The following SMARCC2 variants were observed in gnomAD, a reference collection of about 807,000 sequenced individuals.
SMARCC2 encodes SWI/SNF related BAF chromatin remodeling complex subunit C2, also known as SWI/SNF complex subunit SMARCC2.
In SMARCC2, 15 loss-of-function variants were observed where a neutral mutation model predicts 151.3. The ratio of observed to expected loss-of-function variants is 0.10; its 90% CI spans 0.07 to 0.15. The LOEUF is 0.15. SMARCC2 is among the 10% of genes least tolerant of loss of function. The pLI, the probability that SMARCC2 is intolerant of heterozygous loss-of-function variation, is 1.00. For missense variants in SMARCC2, 1,031 were observed against 1,599.7 expected (o/e 0.64, Z 6.06); for synonymous variants, 590 against 609.5 (o/e 0.97, Z 0.47).
At chr12:56,167,383 G>T (rs1438063325) in intron 26 of SMARCC2, among the ~76,000 whole-genome samples, 1 of 152,016 alleles carries the variant, frequency 6.6e-6, no homozygotes, top group Non-Finnish European at 1.5e-5. Flanking sequence ...AAAATAAATT[G>T]TTGAGACAGA....
At chr12:56,174,446 T>C in intron 16 of SMARCC2, 2 of 497,552 alleles carry the variant, frequency 4.0e-6, no homozygotes, top group Non-Finnish European at 7.3e-6. Flanking sequence ...ACATGCTCCT[T>C]CTTTGTCCTA....
intron 6 of SMARCC2, 116 bp downstream of exon 6, chr12:56,184,059 T>G: frequency 9.8e-7 from 1 of 1,022,932 alleles, no homozygotes; most frequent in Non-Finnish European, 1.5e-6. Flanking sequence ...CTTAAGGTGG[T>G]AAGAGGATTC....
chr12:56,172,578 C>T lies in SMARCC2; in HGVS notation c.1863+7G>A, dbSNP rs1237320467. 1.2e-6 allele frequency: 2 copies of T among 1,614,094 alleles called. No homozygotes were observed. The highest frequency in any genetic ancestry group is 2.7e-5 in the African/African-American group (2 of 74,932). On this transcript the variant is annotated splice_region_variant and intron_variant, in intron 19 of 28. Coordinates refer to ENST00000550164, the MANE Select transcript of SMARCC2 (RefSeq NM_001330288.2). Reference sequence around the variant, plus strand: ...CTCTACCCCTAGAGTCGGCCCGCACCTCCTACCTTGGAGGGAACATTCTTT... The same window carrying T: ...CTCTACCCCTAGAGTCGGCCCGCACTTCCTACCTTGGAGGGAACATTCTTT...
rs763382334 is a variant in SMARCC2, at chr12:56,171,959, T to G, written c.1927-22A>C. 1.3e-6 allele frequency: 2 copies of G among 1,572,860 alleles called. No individual in the cohort carries two copies. The highest frequency in any genetic ancestry group is 8.6e-7 in the Non-Finnish European group (1 of 1,157,200). On this transcript the variant is annotated intron_variant, in intron 20 of 28. Transcript: ENST00000550164. The surrounding 1 kb of genome is among the most constrained non-coding windows in gnomAD (Gnocchi z 4.2). ...GTGCCTGGTGGTAGTGGTGGAGACA[T>G]AACTCCGCTTACTTAGCCACTTTTC...
chr12:56,180,405 G>A (rs962054713), intron 11 of SMARCC2, among the ~76,000 whole-genome samples: 2 of 142,456 alleles, frequency 1.4e-5, no homozygotes, highest in African/African-American at 2.6e-5. Context: ...CACCGTGCCC[G>A]GCCCTTTTTT....
intron 23 of SMARCC2, 46 bp from the exon 24 acceptor site, chr12:56,169,957 G>C: frequency 6.3e-7 from 1 of 1,580,778 alleles, no homozygotes; most frequent in Non-Finnish European, 8.7e-7. Flanking sequence ...GGATTAGGGT[G>C]ATTAGTTCTC....
intron 23 of SMARCC2, 81 bp from the exon 24 acceptor site, chr12:56,169,992 T>A: frequency 6.8e-7 from 1 of 1,471,620 alleles, no homozygotes; most frequent in Non-Finnish European, 9.4e-7. Flanking sequence ...GACGGGGAAC[T>A]AAATTTATTC....
intron 5 of SMARCC2, chr12:56,184,446 T>C (rs144987534): frequency 2.3e-4 from 135 of 581,026 alleles, no homozygotes; most frequent in African/African-American, 2.2e-3. Context: ...GAATTAAAAA[T>C]TGCCAAAAAT....
Position 56,164,859 on chromosome 12 carries a change from G to A in SMARCC2, c.3233-128C>T, listed in dbSNP as rs990381076. 9.5e-5 allele frequency: 75 copies of A among 787,086 alleles called. No homozygotes were observed. The African/African-American group carries it at 1.0e-3, about 11-fold the overall frequency. The allele number at this position is 787,086 out of a possible 1,614,324, so 48.8% of individuals were successfully genotyped here. A position where few individuals can be genotyped will look rare whatever the true frequency, so the allele number is the denominator to read the frequency against. ...GCTGGAGTGCAGTGGCACGATCTTG[G>A]CTCACTGCAACCTCCGCCTCCCGGG... On this transcript the variant is annotated intron_variant, in intron 27 of 28. Coordinates refer to ENST00000550164, the MANE Select transcript of SMARCC2 (RefSeq NM_001330288.2).
chr12:56,185,087 T>A lies in SMARCC2; in HGVS notation c.342A>T (p.Pro114=), dbSNP rs1269019098. 1.2e-6 allele frequency: 2 copies of A among 1,614,006 alleles called. No individual in the cohort carries two copies. The highest frequency in any genetic ancestry group is 1.6e-4 in the Middle Eastern group (1 of 6,084). ...TTTCCACATTGCGGTCCATGCGTGA[T>A]GGATTCTGGAAATCGTAACGCCGCC... The part of the protein sequence containing the change: ...QGWRRYDFQN[P]SRMDRNVEMF... The change falls in exon 4 of 29, where the codon CCA becomes CCT. Residue 114 remains proline, a synonymous_variant. Coordinates refer to ENST00000550164, the MANE Select transcript of SMARCC2 (RefSeq NM_001330288.2).
chr12:56,185,861 C>A, intron 3 of SMARCC2: 1 of 388,624 alleles, frequency 2.6e-6, no homozygotes, highest in East Asian at 4.6e-5. Flanking sequence ...GTTCACTGAT[C>A]TCAACTCCAT....
intron 26 of SMARCC2, among the ~76,000 whole-genome samples, chr12:56,167,024 C>G (rs1217525321): frequency 5.4e-5 from 8 of 148,390 alleles, no homozygotes; most frequent in African/African-American, 1.8e-4. Flanking sequence ...GATTGCACCA[C>G]TGCACTCCAG....
At chr12:56,184,062 G>A (rs1235817574) in intron 6 of SMARCC2, 113 bp downstream of exon 6, 21 of 1,023,540 alleles carry the variant, frequency 2.1e-5, no homozygotes, top group Non-Finnish European at 3.0e-5. Context: ...AAGGTGGTAA[G>A]AGGATTCAAG....
In SMARCC2 at chr12:56,169,512, TCAA is replaced by T; in HGVS notation, c.2715+14_2715+16del. 6.2e-7 allele frequency: 1 copy of T among 1,612,508 alleles called. No individual in the cohort carries two copies. Among genetic ancestry groups the T allele is most frequent in the Admixed American group, 1.7e-5 (1 of 59,936 alleles). The stretch of plus-strand genomic sequence containing the variant: ...GTGGACATTTTCTTCCCTGAGGTCT[TCAA>T]GGTCTGGCCTCACCTTAGCTTTCAC... On this transcript the variant is annotated intron_variant, in intron 25 of 28. Coordinates refer to ENST00000550164, the MANE Select transcript of SMARCC2 (RefSeq NM_001330288.2).
chr12:56,171,496 A>G lies in SMARCC2; in HGVS notation c.2186-64T>C. On this transcript the variant is annotated intron_variant, in intron 21 of 28. Coordinates refer to ENST00000550164, the MANE Select transcript of SMARCC2 (RefSeq NM_001330288.2). This position sits in a 1 kb window ranked among gnomAD's most constrained non-coding sequence, Gnocchi z 4.2. Reference sequence around the variant, plus strand: ...GTGGAACAGTTCTGGCAATCCCTGCAAAAGCTTACTCACAAGCCCATGTCT... The same window carrying G: ...GTGGAACAGTTCTGGCAATCCCTGCGAAAGCTTACTCACAAGCCCATGTCT... 1 of 1,600,660 alleles carries G rather than the reference A, an allele frequency of 6.2e-7. No individual in the cohort carries two copies.
chr12:56,163,418 C>A lies in SMARCC2; in HGVS notation c.*271G>T. On this transcript the variant is annotated 3_prime_UTR_variant, in exon 29 of 29. Coordinates refer to ENST00000550164, the MANE Select transcript of SMARCC2 (RefSeq NM_001330288.2). ...GGTTAATAGAACCTTGTATAAACACCTTTCACCAGCCCTTCCTTTAGGGCA... is the reference window on the plus strand; with the variant it reads ...GGTTAATAGAACCTTGTATAAACACATTTCACCAGCCCTTCCTTTAGGGCA... The A allele has an allele frequency of 3.7e-6, 1 of 267,198 alleles. No individual in the cohort carries two copies. Among genetic ancestry groups the A allele is most frequent in the Non-Finnish European group, 7.0e-6 (1 of 142,474 alleles). The allele number at this position is 267,198 out of a possible 1,614,324, so 16.6% of individuals were successfully genotyped here. A position where few individuals can be genotyped will look rare whatever the true frequency, so the allele number is the denominator to read the frequency against.
At chr12:56,187,829 A>AATGTCTTCAT (rs1305655667) in intron 1 of SMARCC2, among the ~76,000 whole-genome samples, 1 of 152,158 alleles carries the variant, frequency 6.6e-6, no homozygotes, top group Non-Finnish European at 1.5e-5. Context: ...ACTGGGTATA[A>AATGTCTTCAT]ATGTCTTCAT....
At chr12:56,174,601 C>T (rs1324614414) in intron 16 of SMARCC2, 50 bp downstream of exon 16, 3 of 1,203,144 alleles carry the variant, frequency 2.5e-6, no homozygotes, top group Non-Finnish European at 3.7e-6. Context: ...AAAACACATC[C>T]ATAGGCAGGC....
In SMARCC2 at chr12:56,189,458, C is replaced by T; in HGVS notation, c.4G>A (p.Ala2Thr). Residue 2 changes from alanine (A) to threonine (T), a missense_variant, in exon 1 of 29, where the codon GCG becomes ACG. This residue lies in a region of SMARCC2 where 50 missense variants were observed against 52.4 expected (regional missense o/e 0.95). Transcript: ENST00000550164. Reference sequence around the variant, plus strand: ...GGGCCGCCGTCCTTCTTCCGCACCGCCATCTTCTCCGGCTCGGGCCCCGCC... The same window carrying T: ...GGGCCGCCGTCCTTCTTCCGCACCGTCATCTTCTCCGGCTCGGGCCCCGCC... Reference protein sequence around the residue: MAVRKKDGGPNV... With the variant: MTVRKKDGGPNV... 1.3e-6 allele frequency: 2 copies of T among 1,486,530 alleles called. No homozygotes were observed. Among genetic ancestry groups the T allele is most frequent in the Admixed American group, 2.0e-5 (1 of 49,784 alleles). 92.1% of individuals were successfully genotyped at this position (1,486,530 alleles called of 1,614,324 possible).
Sources: gnomAD v4.1 joint callset for allele counts (sites outside exome capture counted in the v4.1 genomes callset) on GRCh38, gnomAD v4.1.1 for gene constraint, gnomAD v4.1.1 regional missense constraint, Gnocchi (gnomAD v3.1) non-coding constraint, MANE v1.5 for transcripts, NCBI Gene and HGNC (gene_info 2026-07-23, HGNC 2026-07-21) for gene names.